The following DHRS4L2 variants were observed in gnomAD, a reference collection of about 807,000 sequenced individuals.
DHRS4L2 encodes the protein dehydrogenase/reductase SDR family member 4-like 2.
DHRS4L2 carries 22 observed loss-of-function variants against 23.9 expected under a neutral mutation model. The observed-to-expected ratio is 0.92, with a 90% CI of 0.66 to 1.31. The LOEUF (loss-of-function observed/expected upper bound fraction) is 1.31. Among genes scored for constraint, DHRS4L2 ranks in the 40% most tolerant of loss-of-function variants. The pLI is 0.00. For missense variants in DHRS4L2, 385 were observed against 303.3 expected, an observed-to-expected ratio of 1.27 and a Z score of -2.00; for synonymous variants, 141 against 123.7, an observed-to-expected ratio of 1.14 and a Z score of -0.93.
intron 1 of DHRS4L2, among the ~76,000 whole-genome samples, chr14:23,975,618 G>A (rs1381801422): frequency 6.6e-6 from 1 of 151,784 alleles, no homozygotes; most frequent in Admixed American, 6.6e-5. Context: ...AGCCAGTATA[G>A]CCAAGGAAAT....
intron 1 of DHRS4L2, among the ~76,000 whole-genome samples, chr14:23,975,673 TC>T (rs1319500108): frequency 6.6e-6 from 1 of 151,772 alleles, no homozygotes; most frequent in East Asian, 1.9e-4. Flanking sequence ...CTACCTGACT[TC>T]AAACTATACT....
intron 1 of DHRS4L2, among the ~76,000 whole-genome samples, chr14:23,989,311 A>G (rs2034217139): frequency 6.6e-6 from 1 of 151,456 alleles, no homozygotes; most frequent in African/African-American, 2.4e-5. Flanking sequence ...GTGCAGCCCC[A>G]TCGATCTAGT....
chr14:23,989,339 C>T (rs1479200603), intron 1 of DHRS4L2, among the ~76,000 whole-genome samples: 1 of 151,738 alleles, frequency 6.6e-6, no homozygotes. Flanking sequence ...GTGTTCTGGG[C>T]TGCCCCAGTC....
chr14:23,984,985 G>A (rs1284670752), upstream of DHRS4L2, among the ~76,000 whole-genome samples: 1 of 151,250 alleles, frequency 6.6e-6, no homozygotes, highest in Non-Finnish European at 1.5e-5. Flanking sequence ...CTGAGTAAAG[G>A]AGATAGGGAG....
chr14:24,004,230 C>T, intron 6 of DHRS4L2, 107 bp from the exon 7 acceptor site: 1 of 1,388,728 alleles, frequency 7.2e-7, no homozygotes, highest in Non-Finnish European at 9.4e-7. Flanking sequence ...GATAGCGCCA[C>T]TACAGTCCGG....
Position 24,004,598 on chromosome 14 carries a change from C to T in DHRS4L2, c.*22+206C>T, listed in dbSNP as rs1229102993. ...TTTCCAAAGGTAAACACAGAGACAT[C>T]GGGGTTTCAGCAGTGCAGAGGTCTC... On this transcript the variant is annotated intron_variant, in intron 7 of 7. Coordinates refer to ENST00000335125, the MANE Select transcript of DHRS4L2 (RefSeq NM_198083.4). The T allele has an allele frequency of 9.5e-6, 8 of 844,410 alleles. 1 individual carries two copies. The highest frequency in any genetic ancestry group is 8.8e-5 in the East Asian group (3 of 34,186). The allele number at this position is 844,410 out of a possible 1,614,324, so 52.3% of individuals were successfully genotyped here. A position where few individuals can be genotyped will look rare whatever the true frequency, so the allele number is the denominator to read the frequency against.
upstream of DHRS4L2, among the ~76,000 whole-genome samples, chr14:23,985,278 C>T (rs1425259162): frequency 2.0e-5 from 3 of 151,628 alleles, no homozygotes; most frequent in Admixed American, 6.6e-5. Context: ...ACCCATTTCA[C>T]CAGATTAAAA....
At chr14:23,976,252 A>C (rs942563147) in intron 1 of DHRS4L2, among the ~76,000 whole-genome samples, 3 of 151,832 alleles carry the variant, frequency 2.0e-5, no homozygotes, top group Non-Finnish European at 2.9e-5. Flanking sequence ...AACTTAAATA[A>C]ATTTACAAGA....
At chr14:24,005,829 T>C in intron 7 of DHRS4L2, 57 bp from the exon 8 acceptor site, 1 of 1,600,860 alleles carries the variant, frequency 6.2e-7, no homozygotes, top group Non-Finnish European at 8.5e-7. Context: ...GTGTCCCAGG[T>C]GAGGGAGGCA....
At chr14:23,988,712 G>C (rs180953787), upstream of DHRS4L2, 20,917 of 1,232,446 alleles carry the variant, frequency 0.017, 367 homozygotes, top group South Asian at 0.021. Context: ...TGAACGGAGA[G>C]CGCTTTGATC....
intron 1 of DHRS4L2, among the ~76,000 whole-genome samples, chr14:23,975,398 A>G (rs569726463): frequency 9.2e-4 from 139 of 151,814 alleles, no homozygotes; most frequent in Middle Eastern, 3.4e-3. Flanking sequence ...TCTTCAAGGA[A>G]AACTACAAAC....
At chr14:23,981,218 A>T (rs910557145) in intron 1 of DHRS4L2, among the ~76,000 whole-genome samples, 1 of 151,650 alleles carries the variant, frequency 6.6e-6, no homozygotes, top group Non-Finnish European at 1.5e-5. Context: ...TACAAAGAGA[A>T]TAAAATACCT....
intron 1 of DHRS4L2, among the ~76,000 whole-genome samples, chr14:23,973,407 C>G (rs928117962): frequency 3.3e-4 from 50 of 152,070 alleles, no homozygotes; most frequent in African/African-American, 1.1e-3. Context: ...CAGCTCCAGT[C>G]TCAGCCAGCC....
chr14:23,975,298 A>C (rs1057181041), intron 1 of DHRS4L2, among the ~76,000 whole-genome samples: 1 of 151,774 alleles, frequency 6.6e-6, no homozygotes, highest in Non-Finnish European at 1.5e-5. Flanking sequence ...TAATAGACAG[A>C]GAGCCAAATC....
upstream of DHRS4L2, among the ~76,000 whole-genome samples, chr14:23,986,544 A>G (rs1372976925): frequency 6.6e-6 from 1 of 151,184 alleles, no homozygotes; most frequent in African/African-American, 2.4e-5. Flanking sequence ...AAAAAGAAAT[A>G]GTGCTGGAGG....
At chr14:23,989,156 CCT>C (rs1027160448) in intron 1 of DHRS4L2, 81 bp downstream of exon 1, 1 of 1,528,278 alleles carries the variant, frequency 6.5e-7, no homozygotes, top group Non-Finnish European at 8.8e-7. Context: ...CTCCAGTGCC[CCT>C]GTCCTCAGAC....
intron 1 of DHRS4L2, among the ~76,000 whole-genome samples, chr14:23,983,538 T>G (rs1352669836): frequency 6.6e-6 from 1 of 151,588 alleles, no homozygotes; most frequent in African/African-American, 2.4e-5. Flanking sequence ...TGGGTATATA[T>G]CCAAAGGATT....
intron 3 of DHRS4L2, among the ~76,000 whole-genome samples, chr14:23,998,655 C>A (rs1004911480): frequency 6.6e-6 from 1 of 151,834 alleles, no homozygotes; most frequent in Admixed American, 6.6e-5. Context: ...CTTCTCTCAG[C>A]CTTCAAAGAA....
rs192393854 is a variant in DHRS4L2, at chr14:23,994,462, T to G, written c.307-570T>G. 7.9e-5 allele frequency among the ~76,000 whole-genome samples: 12 copies of G among 151,754 alleles called. No individual in the cohort carries two copies. In the East Asian group the frequency reaches 2.3e-3, roughly 29 times the overall value. On this transcript the variant is annotated intron_variant, in intron 2 of 7. Transcript: ENST00000335125. ...TAACACTTTAGGATACCAAGGCAGGTGGATGGCTTGAGCCCAGGAGTTCCA... is the reference window on the plus strand; with the variant it reads ...TAACACTTTAGGATACCAAGGCAGGGGGATGGCTTGAGCCCAGGAGTTCCA...
Sources: allele counts gnomAD v4.1 joint callset (sites outside exome capture counted in the v4.1 genomes callset), GRCh38; gene constraint gnomAD v4.1.1; transcripts MANE v1.5; gene names NCBI Gene and HGNC (gene_info 2026-07-23, HGNC 2026-07-21).